Variants in TDRD12 observed in about 807,000 individuals in gnomAD.
The protein encoded by TDRD12 is putative ATP-dependent RNA helicase TDRD12.
A neutral mutation model predicts 133.5 loss-of-function variants in TDRD12; 158 were observed. The ratio of observed to expected loss-of-function variants is 1.18; its 90% CI spans 1.04 to 1.35. The LOEUF (loss-of-function observed/expected upper bound fraction) is 1.35, where lower values mean the gene tolerates loss of function less well. Ranked by LOEUF, TDRD12 falls within the 40% of genes most tolerant of loss-of-function variation. TDRD12 has a pLI of 0.00. For missense variants in TDRD12, 1,443 were observed against 1,321.3 expected, an observed-to-expected ratio of 1.09 and a Z score of -1.43; for synonymous variants, 460 against 477.9, an observed-to-expected ratio of 0.96 and a Z score of 0.49.
At chr19:32,802,819 T>G in intron 20 of TDRD12, 30 bp downstream of exon 20, 1 of 1,535,900 alleles carries the variant, frequency 6.5e-7, no homozygotes. Flanking sequence ...TCTTCCATAT[T>G]CCACTGGCAT....
At chr19:32,802,547 A>C (rs1971428953) in intron 19 of TDRD12, 109 bp from the exon 20 acceptor site, 6 of 1,286,526 alleles carry the variant, frequency 4.7e-6, no homozygotes, top group African/African-American at 1.5e-5. Flanking sequence ...GCATCCAAAA[A>C]AGTAAAATGT....
exon 7 of TDRD12, chr19:32,756,009 T>C: frequency 6.8e-7 from 1 of 1,468,910 alleles, no homozygotes; most frequent in Non-Finnish European, 8.9e-7. Flanking sequence ...TTAATGATGA[T>C]CTTGTTGCAA....
chr19:32,773,528 G>A lies in TDRD12; in HGVS notation c.1036G>A (p.Ala346Thr), dbSNP rs116659996. 3.1e-4 allele frequency: 488 copies of A among 1,551,526 alleles called. 1 individual carries two copies. In the African/African-American group the frequency reaches 6.1e-3, roughly 20 times the overall value. The change falls in exon 10 of 28, where the codon GCA becomes ACA. Residue 346 changes from alanine to threonine, a missense_variant. By Grantham distance (58) the Ala-to-Thr change is moderately conservative. Coordinates refer to ENST00000444215, the Ensembl canonical transcript of TDRD12. Reference sequence around the variant, plus strand: ...ATATGCTGATCCAGATGTACCAGAAGCAAGGTATGATTTGAAAATTCAAAC... The same window carrying A: ...ATATGCTGATCCAGATGTACCAGAAACAAGGTATGATTTGAAAATTCAAAC...
intron 6 of TDRD12, among the ~76,000 whole-genome samples, chr19:32,754,507 G>A (rs1423521970): frequency 1.3e-5 from 2 of 151,176 alleles, no homozygotes; most frequent in East Asian, 1.9e-4. Flanking sequence ...AGAACCAGTC[G>A]TTTTTTTTCA....
chr19:32,720,040 G>A (rs966712554), exon 1 of TDRD12: 3 of 1,547,414 alleles, frequency 1.9e-6, no homozygotes, highest in Admixed American at 2.0e-5. Context: ...CTTCCAGGGC[G>A]AGGGGGCCCA....
rs1967370681 is a variant in TDRD12 at position 32,821,104 on chromosome 19, C to CT, written c.3456dup (p.Glu1153Ter). On this transcript the variant is annotated frameshift_variant, in exon 28 of 28. Coordinates refer to ENST00000444215, the Ensembl canonical transcript of TDRD12. LOFTEE classifies it low-confidence loss of function (END_TRUNC). ...GAGGACACGGGTGCAGAAGGAGGGG[C>CT]TGAGTCCAAGACGAGCTCAGAAAAC... 2.6e-6 allele frequency: 4 copies of CT among 1,535,976 alleles called. No individual in the cohort carries two copies. In the South Asian group the frequency reaches 3.6e-5, roughly 14 times the overall value.
rs146871118 is a variant in TDRD12 at position 32,791,206 on chromosome 19, G to T, written c.1287+138G>T. 774 of 920,378 alleles carry T rather than the reference G, an allele frequency of 8.4e-4. No individual in the cohort carries two copies. The African/African-American group carries it at 8.8e-3, about 11-fold the overall frequency. The allele number at this position is 920,378 out of a possible 1,614,324, so 57.0% of individuals were successfully genotyped here. The stretch of plus-strand genomic sequence containing the variant: ...ATTCTCTTTTTATTTGAGATTACAG[G>T]CATGAGCCACCACACTCGGCCTAAT... On this transcript the variant is annotated intron_variant, in intron 13 of 27. Transcript: ENST00000444215.
chr19:32,749,830 A>G, exon 6 of TDRD12: 1 of 1,550,820 alleles, frequency 6.4e-7, no homozygotes, highest in East Asian at 2.4e-5. Context: ...AAGAAGATAC[A>G]TTTGAGGTTT....
In TDRD12 at chr19:32,809,039, G is replaced by T. The variant is rs140433815; in HGVS notation, c.2653-1054G>T. 4.4e-3 allele frequency among the ~76,000 whole-genome samples: 675 copies of T among 152,158 alleles called. 5 individuals carry two copies. The highest frequency in any genetic ancestry group is 0.015 in the African/African-American group (640 of 41,510). ...TATTGCTCATTTTTAGATAGAATTT[G>T]TTTTCTTGACATTTTGGAGGAGGTG... is the stretch of plus-strand genomic sequence containing the variant. On this transcript the variant is annotated intron_variant, in intron 22 of 27. Coordinates refer to ENST00000444215, the Ensembl canonical transcript of TDRD12.
exon 8 of TDRD12, chr19:32,826,295 G>C: frequency 6.9e-7 from 1 of 1,441,476 alleles, no homozygotes; most frequent in Admixed American, 2.6e-5. Context: ...TCATCTTAAA[G>C]ATAAGAATAA....
chr19:32,826,290 TTAAAGA>T, exon 8 of TDRD12: 2 of 1,445,482 alleles, frequency 1.4e-6, no homozygotes, highest in Non-Finnish European at 1.8e-6. Context: ...TGTCGTCATC[TTAAAGA>T]TAAGAATAAG....
At position 32,742,041 on chromosome 19, in the gene TDRD12, T is replaced by G. The variant is rs181769368; in HGVS notation, c.321-740T>G. On this transcript the variant is annotated intron_variant, in intron 3 of 27. Transcript: ENST00000444215. Reference sequence around the variant, plus strand: ...AAACCATCTGTTCATTTACAGAAACTTTTAAGGTAATTTTGGTCATATATT... The same window carrying G: ...AAACCATCTGTTCATTTACAGAAACGTTTAAGGTAATTTTGGTCATATATT... Among the ~76,000 whole-genome samples the G allele has an allele frequency of 2.0e-3, 309 of 152,350 alleles. 2 individuals carry two copies. The highest frequency in any genetic ancestry group is 3.5e-3 in the Non-Finnish European group (237 of 68,026).
Position 32,748,244 on chromosome 19 carries a change from G to T in TDRD12, c.441-232G>T, listed in dbSNP as rs1238587919. On this transcript the variant is annotated intron_variant, in intron 4 of 27. Coordinates refer to ENST00000444215, the Ensembl canonical transcript of TDRD12. ...GTGAGCACAGGTTGGTCTCAGTGGG[G>T]CCTCTGTGCTATGAGTCTGCACCGG... Among the ~76,000 whole-genome samples the T allele has an allele frequency of 2.0e-5, 3 of 152,284 alleles. No individual in the cohort carries two copies. The East Asian group carries it at 5.8e-4, about 29-fold the overall frequency.
rs34126241 is a variant in TDRD12 at position 32,728,811 on chromosome 19, ATTT to A, written c.25-2898_25-2896del. On this transcript the variant is annotated intron_variant, in intron 1 of 27. Transcript: ENST00000444215. ...CAGGTGCCCACCACCACACCTGGCTATTTTTTTTTTTTTTTTTTGTACAGATGG... is the reference window on the plus strand; with the variant it reads ...CAGGTGCCCACCACCACACCTGGCTATTTTTTTTTTTTTTTGTACAGATGG... Among the ~76,000 whole-genome samples the A allele has an allele frequency of 3.3e-3, 385 of 115,888 alleles. 1 individual carries two copies. The highest frequency in any genetic ancestry group is 0.012 in the African/African-American group (349 of 30,020). 76.0% of individuals were successfully genotyped at this position (115,888 alleles called of 152,430 possible).
chr19:32,802,011 T>A, intron 19 of TDRD12, 138 bp downstream of exon 19: 1 of 432,074 alleles, frequency 2.3e-6, no homozygotes, highest in African/African-American at 2.0e-5. Flanking sequence ...AATGTTAATT[T>A]CAAAATGAAA....
At chr19:32,745,904 GAGTGGGAGAGAGA>G (rs1432292327) in intron 4 of TDRD12, among the ~76,000 whole-genome samples, 94 of 151,196 alleles carry the variant, frequency 6.2e-4, no homozygotes, top group African/African-American at 1.1e-3. Flanking sequence ...GTGTGACAGA[GAGTGGGAGAGAGA>G]CTGGCTGATG....
chr19:32,794,125 A>ATTT (rs1971153321), intron 13 of TDRD12, among the ~76,000 whole-genome samples: 1 of 77,018 alleles, frequency 1.3e-5, no homozygotes, highest in Non-Finnish European at 2.5e-5. Flanking sequence ...TTTTTTTTTG[A>ATTT]GATGGAGTCT....
At chr19:32,810,623 A>G (rs1236246671) in intron 23 of TDRD12, among the ~76,000 whole-genome samples, 1 of 152,260 alleles carries the variant, frequency 6.6e-6, no homozygotes, top group Non-Finnish European at 1.5e-5. Flanking sequence ...GGTCAGCTCG[A>G]TACCTGGCAT....
chr19:32,767,579 G>T (rs1241330959), intron 8 of TDRD12, among the ~76,000 whole-genome samples: 4 of 152,208 alleles, frequency 2.6e-5, no homozygotes, highest in Non-Finnish European at 1.5e-5. Context: ...ATCAGAGTCT[G>T]TGCTGTTTCT....
Sources: allele counts gnomAD v4.1 joint callset (sites outside exome capture counted in the v4.1 genomes callset), GRCh38; gene constraint gnomAD v4.1.1; transcripts MANE v1.5; gene names NCBI Gene and HGNC (gene_info 2026-07-23, HGNC 2026-07-21).